The following ZNF708 variants were observed in gnomAD, a reference collection of about 807,000 sequenced individuals.
ZNF708 encodes ZNF15, ZNF15L1.
ZNF708 carries 44 observed loss-of-function variants against 47.0 expected under a neutral mutation model. The ratio of observed to expected loss-of-function variants is 0.94; its 90% CI spans 0.74 to 1.20. The LOEUF (loss-of-function observed/expected upper bound fraction) is 1.20, where lower values mean the gene tolerates loss of function less well. Ranked by LOEUF, ZNF708 falls within the 50% of genes most tolerant of loss-of-function variation. The pLI is 0.00. For synonymous variants in ZNF708, 184 were observed against 218.5 expected (o/e 0.84, Z 1.39); for missense variants, 557 against 656.0 (o/e 0.85, Z 1.65).
intron 3 of ZNF708, among the ~76,000 whole-genome samples, chr19:21,303,329 G>C (rs1467735856): frequency 6.6e-6 from 1 of 152,108 alleles, no homozygotes; most frequent in African/African-American, 2.4e-5. Flanking sequence ...AAGGTGGGTG[G>C]ATCACTTGAG....
At position 21,293,755 on chromosome 19, in the gene ZNF708, G is replaced by T; in HGVS notation, c.1211C>A (p.Ser404Tyr). The T allele has an allele frequency of 6.2e-7, 1 of 1,612,890 alleles. No individual in the cohort carries two copies. Among genetic ancestry groups the T allele is most frequent in the Non-Finnish European group, 8.5e-7 (1 of 1,179,726 alleles). The change falls in exon 4 of 4, where the codon TCC (serine) becomes TAC (tyrosine). Residue 404 changes from serine to tyrosine, a missense_variant. Coordinates refer to ENST00000356929, the MANE Select transcript of ZNF708 (RefSeq NM_021269.3). ...TACCTTATGATAAGTAAGAGTTGAG[G>T]ACTTGGTAAAGGCTTTACCACATTC... ...CEECGKAFTKSSTLTYHKVIH... is the reference protein window; with the variant it reads ...CEECGKAFTKYSTLTYHKVIH...
Position 21,298,049 on chromosome 19 carries a change from C to T in ZNF708, c.227-3310G>A, listed in dbSNP as rs138343572. On this transcript the variant is annotated intron_variant, in intron 3 of 3. Transcript: ENST00000356929. ...TTCAAATATATAAAACAAATATTGA[C>T]GGAATTGAAGAAACACACAGAGAGC... Among the ~76,000 whole-genome samples, 293 of 151,156 alleles carry T rather than the reference C, an allele frequency of 1.9e-3. 1 individual carries two copies. Among genetic ancestry groups the T allele is most frequent in the African/African-American group, 6.7e-3 (277 of 41,150 alleles).
intron 3 of ZNF708, among the ~76,000 whole-genome samples, chr19:21,308,998 C>G (rs1237890914): frequency 6.6e-6 from 1 of 152,130 alleles, no homozygotes; most frequent in African/African-American, 2.4e-5. Flanking sequence ...ATTGTGCAAT[C>G]TCTTATATGC....
chr19:21,302,787 C>T (rs182163564), intron 3 of ZNF708, among the ~76,000 whole-genome samples: 30 of 151,254 alleles, frequency 2.0e-4, no homozygotes, highest in Admixed American at 1.6e-3. Flanking sequence ...TAATATTTAT[C>T]GAAAGTATAA....
chr19:21,297,047 C>T (rs929235391), intron 3 of ZNF708, among the ~76,000 whole-genome samples: 1 of 151,146 alleles, frequency 6.6e-6, no homozygotes, highest in Non-Finnish European at 1.5e-5. Flanking sequence ...GCAGGAGAAT[C>T]GCTTTAACCT....
rs893808556 is a variant in ZNF708, at chr19:21,317,947, A to T, written c.4-7320T>A. Among the ~76,000 whole-genome samples, 2 of 152,158 alleles carry T rather than the reference A, an allele frequency of 1.3e-5. 1 individual carries two copies. Among genetic ancestry groups the T allele is most frequent in the African/African-American group, 4.8e-5 (2 of 41,430 alleles). On this transcript the variant is annotated intron_variant, in intron 1 of 3. Transcript: ENST00000356929. ...TGAATAGGGTGCTATCTTTTTGGTT[A>T]TTTACACTTTAAAGCAATGGCTCTC...
At chr19:21,318,365 G>C (rs1160328631) in intron 1 of ZNF708, 1 of 152,144 alleles carries the variant, frequency 6.6e-6, no homozygotes, top group East Asian at 1.9e-4. Context: ...GATAGCATTA[G>C]GGCTTCTAAA....
intron 3 of ZNF708, among the ~76,000 whole-genome samples, chr19:21,297,266 ATATATTTTTTTTT>A (rs1972551804): frequency 1.3e-4 from 2 of 14,860 alleles, no homozygotes; most frequent in Non-Finnish European, 1.4e-4. Context: ...ATATATATAT[ATATATTTTTTTTT>A]TTTTTTTTTT....
intron 1 of ZNF708, among the ~76,000 whole-genome samples, chr19:21,322,395 G>A (rs922089607): frequency 1.5e-4 from 22 of 151,394 alleles, no homozygotes; most frequent in East Asian, 1.9e-4. Context: ...TCTGCCTCCC[G>A]GGTTCAAGTG....
intron 2 of ZNF708, among the ~76,000 whole-genome samples, chr19:21,310,201 C>T (rs1017671357): frequency 6.6e-6 from 1 of 151,962 alleles, no homozygotes; most frequent in Non-Finnish European, 1.5e-5. Flanking sequence ...AATCCCAGCA[C>T]TTTGGGAGGC....
intron 1 of ZNF708, among the ~76,000 whole-genome samples, chr19:21,325,934 T>C (rs1377683545): frequency 6.6e-6 from 1 of 152,130 alleles, no homozygotes. Flanking sequence ...AAAGAAGGTA[T>C]ACAAATGGCC....
intron 1 of ZNF708, among the ~76,000 whole-genome samples, chr19:21,328,665 A>G (rs779566283): frequency 1.3e-5 from 2 of 152,264 alleles, no homozygotes; most frequent in Non-Finnish European, 2.9e-5. Context: ...ATTATTAAAT[A>G]TAGTTTTCTT....
intron 1 of ZNF708, among the ~76,000 whole-genome samples, chr19:21,319,547 G>A (rs753414761): frequency 4.0e-5 from 6 of 151,600 alleles, no homozygotes; most frequent in Admixed American, 6.6e-5. Context: ...TCTGCCTTCT[G>A]GGTTTGAGGG....
chr19:21,306,879 G>A (rs1235555038), intron 3 of ZNF708: 3 of 151,666 alleles, frequency 2.0e-5, no homozygotes, highest in Non-Finnish European at 2.9e-5. Context: ...GGGAGGCGGA[G>A]GTTTCAGTTA....
intron 3 of ZNF708, among the ~76,000 whole-genome samples, chr19:21,300,211 C>CAA (rs370885126): frequency 3.1e-4 from 32 of 103,714 alleles, no homozygotes; most frequent in Admixed American, 8.3e-4. Context: ...GACTCCGTCT[C>CAA]AAAAAAAAAA....
At chr19:21,306,497 G>A (rs1239752743) in intron 3 of ZNF708, among the ~76,000 whole-genome samples, 1 of 151,916 alleles carries the variant, frequency 6.6e-6, no homozygotes, top group Non-Finnish European at 1.5e-5. Flanking sequence ...AATTTATAGA[G>A]AAACACATAA....
chr19:21,297,244 GTATATATATA>G (rs1555720500), intron 3 of ZNF708, among the ~76,000 whole-genome samples: 5 of 11,972 alleles, frequency 4.2e-4, no homozygotes, highest in Non-Finnish European at 8.4e-4. Context: ...TGCAAATAAG[GTATATATATA>G]TATATATATA....
At chr19:21,329,028 GC>G (rs1973318572) in intron 1 of ZNF708, among the ~76,000 whole-genome samples, 181 bp downstream of exon 1, 1 of 152,222 alleles carries the variant, frequency 6.6e-6, no homozygotes, top group African/African-American at 2.4e-5. Flanking sequence ...ACGCCCGGGG[GC>G]CCGGCTGTCG....
chr19:21,324,064 G>T (rs910588914), intron 1 of ZNF708, among the ~76,000 whole-genome samples: 1 of 140,772 alleles, frequency 7.1e-6, no homozygotes, highest in Non-Finnish European at 1.5e-5. Flanking sequence ...ATGGTGAAAC[G>T]TTGTCTCTAC....
Sources: allele counts gnomAD v4.1 joint callset (sites outside exome capture counted in the v4.1 genomes callset), GRCh38; gene constraint gnomAD v4.1.1; transcripts MANE v1.5; gene names NCBI Gene and HGNC (gene_info 2026-07-23, HGNC 2026-07-21).